Variants in ASB15 observed in about 807,000 individuals in gnomAD.
ASB15 encodes ankyrin repeat and SOCS box containing 15, also known as ankyrin repeat and SOCS box protein 15.
A neutral mutation model predicts 58.0 loss-of-function variants in ASB15; 54 were observed. The ratio of observed to expected loss-of-function variants is 0.93; its 90% CI spans 0.75 to 1.17. The LOEUF (loss-of-function observed/expected upper bound fraction) is 1.17, where lower values mean the gene tolerates loss of function less well. Among genes scored for constraint, ASB15 ranks in the 50% most tolerant of loss-of-function variants. ASB15 has a pLI of 0.00. For missense variants in ASB15, 680 were observed against 707.4 expected (o/e 0.96, Z 0.44); for synonymous variants, 249 against 262.4 (o/e 0.95, Z 0.50).
At chr7:123,595,677 A>G (rs1268996796) in intron 1 of ASB15, among the ~76,000 whole-genome samples, 1 of 152,206 alleles carries the variant, frequency 6.6e-6, no homozygotes, top group Non-Finnish European at 1.5e-5. Flanking sequence ...GATGGTCAAT[A>G]TTTGTTAAAT....
At chr7:123,582,236 G>A (rs17146145) in intron 1 of ASB15, among the ~76,000 whole-genome samples, 9,445 of 151,890 alleles carry the variant, frequency 0.062, 319 homozygotes, top group Non-Finnish European at 0.078. Flanking sequence ...TGAAGGTAAC[G>A]TCCCTGTGGA....
intron 9 of ASB15, 62 bp from the exon 10 acceptor site, chr7:123,628,790 CTAGTGAGAACGG>C (rs1429454885): frequency 4.0e-6 from 4 of 1,002,682 alleles, no homozygotes; most frequent in Non-Finnish European, 5.7e-6. Flanking sequence ...ATTCACTTAT[CTAGTGAGAACGG>C]TAGTTTATTT....
In ASB15 at chr7:123,569,389, A is replaced by C. The variant is rs1798843565; in HGVS notation, c.-443+2301A>C. On this transcript the variant is annotated intron_variant, in intron 1 of 13. Coordinates refer to the ASB15 transcript ENST00000451558. ...GCAAGGGGAAAAAATGTGGTCCAGC[A>C]ATAGCTAGGGCCCAAAAAAAAGGCC... 2.0e-5 allele frequency among the ~76,000 whole-genome samples: 3 copies of C among 152,228 alleles called. No homozygotes were observed. The South Asian group carries it at 6.2e-4, about 32-fold the overall frequency.
At chr7:123,591,812 A>G (rs1407219228) in intron 1 of ASB15, among the ~76,000 whole-genome samples, 1 of 152,234 alleles carries the variant, frequency 6.6e-6, no homozygotes, top group African/African-American at 2.4e-5. Context: ...TGCTGACCTC[A>G]TAAAATGAGT....
intron 10 of ASB15, 84 bp downstream of exon 10, chr7:123,629,518 GAAA>G (rs1802010978): frequency 7.9e-7 from 1 of 1,258,704 alleles, no homozygotes. Context: ...TACAAGAAAA[GAAA>G]AATAAACTCT....
At chr7:123,585,193 A>T (rs1290920769) in intron 1 of ASB15, among the ~76,000 whole-genome samples, 1 of 151,810 alleles carries the variant, frequency 6.6e-6, no homozygotes, top group South Asian at 2.1e-4. Context: ...ATAATCTTGC[A>T]TTTGAATTTT....
At chr7:123,573,245 T>C (rs1430672790) in intron 1 of ASB15, among the ~76,000 whole-genome samples, 1 of 150,270 alleles carries the variant, frequency 6.7e-6, no homozygotes, top group Non-Finnish European at 1.5e-5. Context: ...TCACCAAGCT[T>C]CCCCCCCGCC....
intron 7 of ASB15, among the ~76,000 whole-genome samples, chr7:123,623,872 A>AAAAAGAAAAGAAAAG (rs370348382): frequency 1.1e-4 from 11 of 99,610 alleles, no homozygotes; most frequent in Admixed American, 5.5e-4. Context: ...TCAAAAAAAA[A>AAAAAGAAAAGAAAAG]AAAAGAAAAG....
In ASB15 at chr7:123,633,170, A is replaced by C. The variant is rs116564260; in HGVS notation, c.1594+3051A>C. Among the ~76,000 whole-genome samples, 890 of 152,314 alleles carry C rather than the reference A, an allele frequency of 5.8e-3. 11 individuals carry two copies. Among genetic ancestry groups the C allele is most frequent in the African/African-American group, 0.021 (854 of 41,560 alleles). ...TCACCATGAGGACTAGTATTAAACA[A>C]GGCTAACACTAAACAGAATGCCAAG... is the stretch of plus-strand genomic sequence containing the variant. On this transcript the variant is annotated intron_variant, in intron 11 of 11. Transcript: ENST00000451215.
At chr7:123,604,945 G>T (rs1048930913) in intron 2 of ASB15, among the ~76,000 whole-genome samples, 4 of 152,126 alleles carry the variant, frequency 2.6e-5, no homozygotes, top group Admixed American at 6.5e-5. Flanking sequence ...GGCAGCTAAT[G>T]CAGGCAGGTC....
chr7:123,597,171 T>C (rs1419829552), upstream of ASB15, among the ~76,000 whole-genome samples: 1 of 152,094 alleles, frequency 6.6e-6, no homozygotes, highest in Non-Finnish European at 1.5e-5. Context: ...TGTGATGAAA[T>C]TTTGGGTCAC....
chr7:123,629,757 T>C (rs1802022423), intron 10 of ASB15, among the ~76,000 whole-genome samples: 1 of 152,196 alleles, frequency 6.6e-6, no homozygotes, highest in Non-Finnish European at 1.5e-5. Context: ...CATGCTTTGC[T>C]GACTACAATC....
chr7:123,573,431 AT>A (rs1311064663), intron 1 of ASB15, among the ~76,000 whole-genome samples: 1 of 151,180 alleles, frequency 6.6e-6, no homozygotes, highest in East Asian at 2.0e-4. Flanking sequence ...ACTAAGTCTT[AT>A]TTGTTTATGT....
intron 1 of ASB15, among the ~76,000 whole-genome samples, chr7:123,573,750 A>C (rs1416365456): frequency 6.6e-6 from 1 of 152,098 alleles, no homozygotes; most frequent in Non-Finnish European, 1.5e-5. Context: ...AAAGTCTCAA[A>C]TTTCTAGACT....
Position 123,585,750 on chromosome 7 carries a change from T to C in ASB15, c.-442-18282T>C, listed in dbSNP as rs371185283. On this transcript the variant is annotated intron_variant, in intron 1 of 13. Coordinates refer to the ASB15 transcript ENST00000451558. ...TATAGTTACCATGCTGTACATTAGA[T>C]CTCTAAAACTTATAACTGAAACTCT... Among the ~76,000 whole-genome samples, 156 of 151,860 alleles carry C rather than the reference T, an allele frequency of 1.0e-3. 2 individuals carry two copies. In the South Asian group the frequency reaches 0.025, roughly 24 times the overall value.
intron 4 of ASB15, among the ~76,000 whole-genome samples, chr7:123,615,941 G>A (rs568545446): frequency 8.5e-5 from 13 of 152,110 alleles, no homozygotes; most frequent in African/African-American, 3.1e-4. Flanking sequence ...GACTCCAATT[G>A]TTTACTCCTT....
Position 123,616,450 on chromosome 7 carries a change from G to A in ASB15, c.247G>A (p.Ala83Thr), listed in dbSNP as rs760024428. 5 of 1,612,354 alleles carry A rather than the reference G, an allele frequency of 3.1e-6. No homozygotes were observed. The Admixed American group carries it at 5.0e-5, about 16-fold the overall frequency. Reference protein sequence around the residue: ...DEKGWFPLHEAVVQPIQQILE... With the variant: ...DEKGWFPLHETVVQPIQQILE... ...AAAAGGATGGTTTCCATTGCATGAA[G>A]CTGTTGTTCAACCCATTCAACAAAT... Residue 83 changes from alanine (A) to threonine (T), a missense_variant, in exon 6 of 12, where the codon GCT becomes ACT. Coordinates refer to ENST00000451215, the MANE Select transcript of ASB15 (RefSeq NM_001290258.2).
At chr7:123,587,381 G>A (rs1042318165) in intron 1 of ASB15, among the ~76,000 whole-genome samples, 5 of 151,032 alleles carry the variant, frequency 3.3e-5, no homozygotes. Context: ...ACTAATTTCT[G>A]TAGGTTAATT....
Position 123,630,027 on chromosome 7 carries a change from T to G in ASB15, c.1502T>G (p.Leu501Arg). The G allele has an allele frequency of 6.2e-7, 1 of 1,604,658 alleles. No individual in the cohort carries two copies. Among genetic ancestry groups the G allele is most frequent in the Non-Finnish European group, 8.5e-7 (1 of 1,171,956 alleles). ...KHLVGRVTRV[L>R]IDYMDYVPLC... ...TTGGTAGGCAGAGTTACTCGTGTAC[T>G]AATAGATTACATGGATTATGTTCCT... The change falls in exon 11 of 12, where the codon CTA becomes CGA. Residue 501 changes from leucine to arginine, a missense_variant. Transcript: ENST00000451215.
Sources: gnomAD v4.1 joint callset for allele counts (sites outside exome capture counted in the v4.1 genomes callset) on GRCh38, gnomAD v4.1.1 for gene constraint, MANE v1.5 for transcripts, NCBI Gene and HGNC (gene_info 2026-07-23, HGNC 2026-07-21) for gene names.